CCDC148: variants seen among roughly 807,000 people sequenced by gnomAD.
The protein encoded by CCDC148 is coiled-coil domain-containing protein 148.
A neutral mutation model predicts 85.7 loss-of-function variants in CCDC148; 89 were observed. That is an observed-to-expected ratio of 1.04 (90% CI 0.87 to 1.24). The LOEUF is 1.24. CCDC148 is among the 50% of genes most tolerant of loss of function. The pLI is 0.00. For missense variants in CCDC148, 692 were observed against 671.7 expected, an observed-to-expected ratio of 1.03 and a Z score of -0.33; for synonymous variants, 230 against 213.9, an observed-to-expected ratio of 1.08 and a Z score of -0.66.
At chr2:158,326,409 T>A (rs1479426846) in intron 7 of CCDC148, among the ~76,000 whole-genome samples, 2 of 152,210 alleles carry the variant, frequency 1.3e-5, no homozygotes, top group South Asian at 2.1e-4. Context: ...CTACTGTGTA[T>A]AATATACTTA....
intron 3 of CCDC148, 53 bp from the exon 4 acceptor site, chr2:158,340,733 T>C: frequency 1.9e-6 from 2 of 1,073,450 alleles, no homozygotes; most frequent in Non-Finnish European, 2.7e-6. Flanking sequence ...TACATCTAGG[T>C]TTTTAAAAAA....
intron 10 of CCDC148, among the ~76,000 whole-genome samples, chr2:158,231,073 C>G (rs534105815): frequency 6.6e-5 from 10 of 152,250 alleles, no homozygotes; most frequent in African/African-American, 2.4e-4. Flanking sequence ...AGACGAACAT[C>G]TGAAGGCACA....
intron 9 of CCDC148, among the ~76,000 whole-genome samples, chr2:158,307,974 TA>T (rs1239578240): frequency 2.0e-5 from 3 of 152,182 alleles, no homozygotes; most frequent in Non-Finnish European, 4.4e-5. Context: ...GTGTGTGTCA[TA>T]AAGCTTCATC....
chr2:158,442,779 C>T (rs1245351273), intron 1 of CCDC148, among the ~76,000 whole-genome samples: 2 of 152,228 alleles, frequency 1.3e-5, no homozygotes, highest in Non-Finnish European at 2.9e-5. Flanking sequence ...ATGTGCCAGA[C>T]ACTATTCTAA....
chr2:158,314,001 T>G (rs1692166681), intron 7 of CCDC148, 107 bp from the exon 8 acceptor site: 1 of 1,099,646 alleles, frequency 9.1e-7, no homozygotes, highest in African/African-American at 1.6e-5. Context: ...CAAAACGAGG[T>G]TTCTGTGTAT....
At chr2:158,237,241 C>T (rs1474332317) in intron 10 of CCDC148, among the ~76,000 whole-genome samples, 2 of 152,104 alleles carry the variant, frequency 1.3e-5, no homozygotes, top group African/African-American at 2.4e-5. Context: ...AGGTAGATCA[C>T]ACAGGGCCCT....
At position 158,178,911 on chromosome 2, in the gene CCDC148, T is replaced by A; in HGVS notation, c.1456A>T (p.Arg486Ter). Residue 486 changes from arginine (R) to a stop codon, truncating the protein, a stop_gained, in exon 12 of 14, where the codon AGA becomes TGA. Transcript: ENST00000283233. LOFTEE classifies it high-confidence loss of function. ...ALQEAHEDKE[R>*]ARRLEALRKQ... ...CTAAGGGCTTCTAGCCGCCGTGCTC[T>A]CTCTTTGTCTTCATGAGCTTCTTGA... The A allele has an allele frequency of 6.2e-7, 1 of 1,613,628 alleles. No individual in the cohort carries two copies. Among genetic ancestry groups the A allele is most frequent in the Non-Finnish European group, 8.5e-7 (1 of 1,179,722 alleles).
At chr2:158,240,762 C>G (rs1688321049) in intron 10 of CCDC148, among the ~76,000 whole-genome samples, 1 of 152,034 alleles carries the variant, frequency 6.6e-6, no homozygotes, top group African/African-American at 2.4e-5. Context: ...CTGCAGAGGA[C>G]AGTCCCATAT....
At position 158,340,683 on chromosome 2, in the gene CCDC148, G is replaced by GA; in HGVS notation, c.252-4dup. Reference sequence around the variant, plus strand: ...TTATTTCAGATTCCATTTTACATCTGAAATAGATGTGATCTCAATAAATGT... The same window carrying GA: ...TTATTTCAGATTCCATTTTACATCTGAAAATAGATGTGATCTCAATAAATGT... On this transcript the variant is annotated splice_region_variant and splice_polypyrimidine_tract_variant and intron_variant, in intron 3 of 13. Transcript: ENST00000283233. The GA allele has an allele frequency of 6.8e-7, 1 of 1,466,060 alleles. No homozygotes were observed. The highest frequency in any genetic ancestry group is 9.4e-7 in the Non-Finnish European group (1 of 1,060,928). The allele number at this position is 1,466,060 out of a possible 1,614,324, so 90.8% of individuals were successfully genotyped here. A position where few individuals can be genotyped will look rare whatever the true frequency, so the allele number is the denominator to read the frequency against.
chr2:158,280,454 A>G (rs572618594), intron 9 of CCDC148, among the ~76,000 whole-genome samples: 4,527 of 152,228 alleles, frequency 0.03, 148 homozygotes, highest in Non-Finnish European at 0.036. Context: ...AATGGAAAAC[A>G]AAAAAAGGCA....
chr2:158,439,735 T>C (rs1687850033), intron 1 of CCDC148, among the ~76,000 whole-genome samples: 2 of 152,126 alleles, frequency 1.3e-5, no homozygotes, highest in African/African-American at 2.4e-5. Flanking sequence ...TGCTTCACAA[T>C]AGAAGATATA....
intron 7 of CCDC148, 97 bp downstream of exon 7, chr2:158,338,629 A>G (rs117168817): frequency 1.3e-6 from 1 of 784,180 alleles, no homozygotes; most frequent in East Asian, 2.7e-5. Context: ...TTCCAGTTAC[A>G]TAGTAACTAT....
intron 2 of CCDC148, among the ~76,000 whole-genome samples, chr2:158,351,238 T>C (rs896024980): frequency 2.0e-5 from 3 of 152,324 alleles, no homozygotes; most frequent in Non-Finnish European, 2.9e-5. Context: ...TAGCCCAAGA[T>C]GGCCGAATAG....
At chr2:158,342,585 C>T (rs1261573476) in intron 3 of CCDC148, among the ~76,000 whole-genome samples, 1 of 152,136 alleles carries the variant, frequency 6.6e-6, no homozygotes, top group Non-Finnish European at 1.5e-5. Flanking sequence ...AGCATACTAA[C>T]TGCCAAAAAA....
rs11691914 is a variant in CCDC148 at position 158,429,310 on chromosome 2, G to C, written c.25+27105C>G. 5.6e-3 allele frequency among the ~76,000 whole-genome samples: 854 copies of C among 152,128 alleles called. 19 individuals are homozygous for C. Among genetic ancestry groups the C allele is most frequent in the Admixed American group, 0.035 (535 of 15,270 alleles). ...TAATAATAAAAAAATAAGTTTGAAA[G>C]TCCTTGGTGATCTTTAATGTCATAG... On this transcript the variant is annotated intron_variant, in intron 1 of 13. Coordinates refer to ENST00000283233, the MANE Select transcript of CCDC148 (RefSeq NM_138803.4).
intron 10 of CCDC148, among the ~76,000 whole-genome samples, chr2:158,247,669 C>T (rs1207460840): frequency 6.6e-6 from 1 of 152,052 alleles, no homozygotes; most frequent in Non-Finnish European, 1.5e-5. Flanking sequence ...CCAGCCTGAC[C>T]AACATAGTGA....
At chr2:158,365,279 C>T (rs896828018) in intron 1 of CCDC148, among the ~76,000 whole-genome samples, 1 of 152,152 alleles carries the variant, frequency 6.6e-6, no homozygotes, top group Non-Finnish European at 1.5e-5. Flanking sequence ...CTAGAAATAT[C>T]ATTTTACCCA....
At chr2:158,238,256 G>C (rs1688198579) in intron 10 of CCDC148, among the ~76,000 whole-genome samples, 1 of 152,054 alleles carries the variant, frequency 6.6e-6, no homozygotes, top group African/African-American at 2.4e-5. Context: ...GGATAAACTT[G>C]AGCAGGAGAA....
At chr2:158,325,627 A>G (rs1692731643) in intron 7 of CCDC148, among the ~76,000 whole-genome samples, 1 of 149,630 alleles carries the variant, frequency 6.7e-6, no homozygotes, top group Middle Eastern at 3.5e-3. Flanking sequence ...GCATCCACAC[A>G]ATCTCTACAC....
Sources: allele counts gnomAD v4.1 joint callset (sites outside exome capture counted in the v4.1 genomes callset), GRCh38; gene constraint gnomAD v4.1.1; transcripts MANE v1.5; gene names NCBI Gene and HGNC (gene_info 2026-07-23, HGNC 2026-07-21).